The following SORCS1 variants were observed in gnomAD, a reference collection of about 807,000 sequenced individuals.
SORCS1 encodes sortilin related VPS10 domain containing receptor 1, also known as VPS10 domain-containing receptor SorCS1.
SORCS1 carries 60 observed loss-of-function variants against 146.1 expected under a neutral mutation model. The observed-to-expected ratio is 0.41, with a 90% CI of 0.33 to 0.51. SORCS1 has a LOEUF of 0.51. Among genes scored for constraint, SORCS1 ranks in the 20% least tolerant of loss-of-function variants. The pLI, the probability that SORCS1 is intolerant of heterozygous loss-of-function variation, is 0.21. For synonymous variants in SORCS1, 637 were observed against 584.0 expected (o/e 1.09, Z -1.31); for missense variants, 1,352 against 1,487.6 (o/e 0.91, Z 1.50).
At chr10:107,049,397 T>C (rs1444960824) in intron 1 of SORCS1, among the ~76,000 whole-genome samples, 2 of 151,868 alleles carry the variant, frequency 1.3e-5, no homozygotes, top group Non-Finnish European at 2.9e-5. Flanking sequence ...CGTGCACATG[T>C]ACCCTAAAAC....
chr10:106,889,694 T>A (rs1951147805), intron 2 of SORCS1, among the ~76,000 whole-genome samples: 1 of 151,908 alleles, frequency 6.6e-6, no homozygotes, highest in Non-Finnish European at 1.5e-5. Context: ...GGTCAGGAGA[T>A]CAAGACCATC....
At chr10:106,798,813 T>C (rs1026430290) in intron 3 of SORCS1, among the ~76,000 whole-genome samples, 4 of 152,190 alleles carry the variant, frequency 2.6e-5, no homozygotes, top group African/African-American at 9.6e-5. Context: ...AGTAATGGGA[T>C]GGCTGGGTCA....
intron 1 of SORCS1, among the ~76,000 whole-genome samples, chr10:107,003,431 T>A (rs1315693458): frequency 2.3e-4 from 9 of 39,408 alleles, no homozygotes; most frequent in African/African-American, 1.3e-3. Context: ...TTCCCATAAG[T>A]GTGTGTGTGT....
At chr10:106,883,527 G>T (rs530307415) in intron 2 of SORCS1, among the ~76,000 whole-genome samples, 13 of 150,676 alleles carry the variant, frequency 8.6e-5, no homozygotes, top group African/African-American at 2.9e-4. Flanking sequence ...CTATTCTCCC[G>T]CCTCAGCCTC....
chr10:107,139,248 A>G (rs1457759889), intron 1 of SORCS1, among the ~76,000 whole-genome samples: 1 of 152,180 alleles, frequency 6.6e-6, no homozygotes, highest in African/African-American at 2.4e-5. Context: ...CCAGAAACAC[A>G]CTTTTTAAAA....
intron 1 of SORCS1, among the ~76,000 whole-genome samples, chr10:107,136,061 C>T (rs1460329001): frequency 6.6e-6 from 1 of 151,684 alleles, no homozygotes; most frequent in African/African-American, 2.4e-5. Flanking sequence ...TTTAAATTGT[C>T]CATCAAGATG....
intron 3 of SORCS1, among the ~76,000 whole-genome samples, chr10:106,813,704 G>A (rs546417942): frequency 5.9e-5 from 9 of 152,316 alleles, no homozygotes; most frequent in Admixed American, 1.3e-4. Context: ...AGAGGCTGAG[G>A]CAGGAGGATC....
At chr10:106,989,670 G>GTGTT (rs1956666994) in intron 1 of SORCS1, among the ~76,000 whole-genome samples, 1 of 116,450 alleles carries the variant, frequency 8.6e-6, no homozygotes, top group African/African-American at 4.5e-5. Context: ...TATTTTTTCT[G>GTGTT]TTTTTTTTTG....
At chr10:106,706,433 T>A in intron 8 of SORCS1, 112 bp downstream of exon 8, 1 of 1,006,010 alleles carries the variant, frequency 9.9e-7, no homozygotes, top group Non-Finnish European at 1.5e-6. Context: ...AGATGAGAGA[T>A]GTAAAGAAAA....
At chr10:107,104,524 C>A (rs1008395326) in intron 1 of SORCS1, among the ~76,000 whole-genome samples, 1 of 152,014 alleles carries the variant, frequency 6.6e-6, no homozygotes, top group Non-Finnish European at 1.5e-5. Context: ...ACTGTACACA[C>A]GTGGACTGAG....
intron 2 of SORCS1, among the ~76,000 whole-genome samples, chr10:106,887,586 T>C (rs1310570140): frequency 2.0e-5 from 3 of 152,012 alleles, no homozygotes; most frequent in Non-Finnish European, 2.9e-5. Flanking sequence ...CAAAAATAAA[T>C]AAATAAATAT....
At chr10:106,593,315 A>G (rs1334715123) in intron 24 of SORCS1, among the ~76,000 whole-genome samples, 1 of 152,096 alleles carries the variant, frequency 6.6e-6, no homozygotes, top group Admixed American at 6.6e-5. Flanking sequence ...GCTAAAGGTA[A>G]CGTAGGAGCA....
chr10:107,152,552 C>T (rs1398252949), intron 1 of SORCS1, among the ~76,000 whole-genome samples: 1 of 152,162 alleles, frequency 6.6e-6, no homozygotes, highest in Non-Finnish European at 1.5e-5. Context: ...GAGTGGCTAC[C>T]TCCATGCTGT....
intron 1 of SORCS1, among the ~76,000 whole-genome samples, chr10:106,982,447 G>T (rs749203687): frequency 6.6e-6 from 1 of 152,084 alleles, no homozygotes; most frequent in Non-Finnish European, 1.5e-5. Flanking sequence ...ATGTTAGTCC[G>T]TGAAATGCAG....
In SORCS1 at chr10:106,849,711, G is replaced by T. The variant is rs576236843; in HGVS notation, c.627-20038C>A. The stretch of plus-strand genomic sequence containing the variant: ...TCTGTTCTGTTTTTTCCCCATCTTT[G>T]TGGTTTTATCTACTTTTGGTCTTTG... On this transcript the variant is annotated intron_variant, in intron 2 of 25. Transcript: ENST00000263054. Among the ~76,000 whole-genome samples the T allele has an allele frequency of 3.8e-3, 572 of 151,332 alleles. 10 individuals carry two copies. The highest frequency in any genetic ancestry group is 0.013 in the African/African-American group (555 of 41,186).
chr10:106,746,687 A>C (rs1015379514), intron 5 of SORCS1, among the ~76,000 whole-genome samples: 2 of 152,224 alleles, frequency 1.3e-5, no homozygotes, highest in African/African-American at 4.8e-5. Context: ...GCTGACAGCC[A>C]GCGTTCTTAT....
intron 2 of SORCS1, among the ~76,000 whole-genome samples, chr10:106,870,801 C>G (rs754136260): frequency 1.3e-5 from 2 of 152,082 alleles, no homozygotes. Context: ...GACAAAGACA[C>G]CAAAACCTAT....
At chr10:106,626,437 C>T (rs986675782) in intron 19 of SORCS1, among the ~76,000 whole-genome samples, 3 of 152,124 alleles carry the variant, frequency 2.0e-5, no homozygotes, top group African/African-American at 4.8e-5. Flanking sequence ...AGTCAGAATG[C>T]CCGACTCAGT....
chr10:106,703,982 G>A (rs1300982622), intron 8 of SORCS1, among the ~76,000 whole-genome samples: 1 of 152,170 alleles, frequency 6.6e-6, no homozygotes. Flanking sequence ...GCTCTTCTGG[G>A]AGAACAGGAG....
Sources: gnomAD v4.1 joint callset for allele counts (sites outside exome capture counted in the v4.1 genomes callset) on GRCh38, gnomAD v4.1.1 for gene constraint, MANE v1.5 for transcripts, NCBI Gene and HGNC (gene_info 2026-07-23, HGNC 2026-07-21) for gene names.